MET: variants seen among roughly 807,000 people sequenced by gnomAD.
The protein encoded by MET is hepatocyte growth factor receptor.
In MET, 48 loss-of-function variants were observed where a neutral mutation model predicts 133.1. That is an observed-to-expected ratio of 0.36 (90% CI 0.29 to 0.46). MET has a LOEUF of 0.46. Ranked by LOEUF, MET falls within the 20% of genes least tolerant of loss-of-function variation. The pLI is 1.00. For synonymous variants in MET, 628 were observed against 616.5 expected, an observed-to-expected ratio of 1.02 and a Z score of -0.28; for missense variants, 1,442 against 1,695.9, an observed-to-expected ratio of 0.85 and a Z score of 2.63.
intron 2 of MET, among the ~76,000 whole-genome samples, chr7:116,705,054 A>G (rs1393778508): frequency 6.6e-6 from 1 of 152,120 alleles, no homozygotes; most frequent in Admixed American, 6.6e-5. Flanking sequence ...AAGAAAGCAA[A>G]GTGATTAGAA....
intron 19 of MET, among the ~76,000 whole-genome samples, chr7:116,783,948 G>A (rs964994696): frequency 6.6e-6 from 1 of 152,238 alleles, no homozygotes; most frequent in Non-Finnish European, 1.5e-5. Flanking sequence ...CATCCTTCTT[G>A]CGCAGAACAA....
In MET at chr7:116,699,550, T is replaced by C. The variant is rs2116589535; in HGVS notation, c.466T>C (p.Ser156Pro). 1.2e-6 allele frequency: 2 copies of C among 1,614,018 alleles called. No homozygotes were observed. The highest frequency in any genetic ancestry group is 1.7e-6 in the Non-Finnish European group (2 of 1,179,934). Reference protein sequence around the residue: ...FPHNHTADIQSEVHCIFSPQI... With the variant: ...FPHNHTADIQPEVHCIFSPQI... ...CCACAATCATACTGCTGACATACAGTCGGAGGTTCACTGCATATTCTCCCC... is the reference window on the plus strand; with the variant it reads ...CCACAATCATACTGCTGACATACAGCCGGAGGTTCACTGCATATTCTCCCC... Residue 156 changes from serine to proline, a missense_variant, in exon 2 of 21, where the codon TCG becomes CCG. This residue lies in a region of MET where 762 missense variants were observed against 792.4 expected (regional missense o/e 0.96). Coordinates refer to ENST00000397752, the MANE Select transcript of MET (RefSeq NM_000245.4).
intron 12 of MET, among the ~76,000 whole-genome samples, chr7:116,770,620 T>C (rs975600924): frequency 4.6e-5 from 7 of 152,154 alleles, no homozygotes; most frequent in African/African-American, 1.7e-4. Context: ...CAATCTACTC[T>C]TTCTCTCTAG....
Position 116,771,956 on chromosome 7 carries a change from G to C in MET, c.2995G>C (p.Glu999Gln), listed in dbSNP as rs1404824650. Residue 999 changes from glutamate (E) to glutamine (Q), a missense_variant, in exon 14 of 21, where the codon GAA becomes CAA. This residue lies in a region of MET where 514 missense variants were observed against 659.6 expected (regional missense o/e 0.78). Transcript: ENST00000397752. ...CCCAACTACAGAAATGGTTTCAAAT[G>C]AATCTGTAGACTACCGAGCTACTTT... ...VSPTTEMVSNESVDYRATFPE... is the reference protein window; with the variant it reads ...VSPTTEMVSNQSVDYRATFPE... 1 of 1,613,880 alleles carries C rather than the reference G, an allele frequency of 6.2e-7. No individual in the cohort carries two copies. The highest frequency in any genetic ancestry group is 8.5e-7 in the Non-Finnish European group (1 of 1,179,840).
In MET at chr7:116,774,877, A is replaced by C. The variant is rs2117029339; in HGVS notation, c.3029-4A>C. 1 of 1,612,380 alleles carries C rather than the reference A, an allele frequency of 6.2e-7. No homozygotes were observed. Among genetic ancestry groups the C allele is most frequent in the African/African-American group, 1.3e-5 (1 of 74,988 alleles). ...TTCTTTAATAATTTTCCTTCATCTT[A>C]CAGATCAGTTTCCTAATTCATCTCA... On this transcript the variant is annotated splice_region_variant and splice_polypyrimidine_tract_variant and intron_variant, in intron 14 of 20. Coordinates refer to ENST00000397752, the MANE Select transcript of MET (RefSeq NM_000245.4).
intron 12 of MET, among the ~76,000 whole-genome samples, chr7:116,770,672 A>G (rs1794804193): frequency 2.6e-5 from 4 of 152,126 alleles, no homozygotes; most frequent in Admixed American, 2.6e-4. Flanking sequence ...GGAATCATAC[A>G]ATATTTGTCT....
intron 1 of MET, among the ~76,000 whole-genome samples, chr7:116,681,222 C>G (rs1287611749): frequency 6.6e-6 from 1 of 152,102 alleles, no homozygotes; most frequent in Admixed American, 6.5e-5. Context: ...TTCTGAGTGT[C>G]AGAGGCATGT....
intron 10 of MET, among the ~76,000 whole-genome samples, chr7:116,760,604 T>C (rs1484776874): frequency 6.6e-6 from 1 of 152,218 alleles, no homozygotes; most frequent in African/African-American, 2.4e-5. Flanking sequence ...ATTACAGCAC[T>C]TCCTTTTAGA....
At chr7:116,690,109 C>G (rs969509895) in intron 1 of MET, among the ~76,000 whole-genome samples, 2 of 151,940 alleles carry the variant, frequency 1.3e-5, no homozygotes, top group African/African-American at 4.8e-5. Flanking sequence ...GTGGTCTCAC[C>G]CAAGGGACTG....
intron 2 of MET, among the ~76,000 whole-genome samples, chr7:116,723,666 G>A (rs1228361885): frequency 2.0e-5 from 3 of 152,124 alleles, no homozygotes; most frequent in Admixed American, 6.5e-5. Context: ...TTTTTGGTGT[G>A]GATGTCCTTT....
chr7:116,757,591 T>C, intron 7 of MET, 47 bp from the exon 8 acceptor site: 1 of 1,613,350 alleles, frequency 6.2e-7, no homozygotes, highest in Non-Finnish European at 8.5e-7. Context: ...TCTATTTAAA[T>C]TATAAGATGA....
At chr7:116,694,654 A>T (rs1204343680) in intron 1 of MET, among the ~76,000 whole-genome samples, 1 of 151,966 alleles carries the variant, frequency 6.6e-6, no homozygotes. Context: ...TATTTTAAAA[A>T]CATAATTTAA....
intron 1 of MET, among the ~76,000 whole-genome samples, chr7:116,691,444 TG>T (rs1796775925): frequency 6.6e-6 from 1 of 152,240 alleles, no homozygotes; most frequent in South Asian, 2.1e-4. Context: ...AACTCAAGTT[TG>T]TAGTATTGTC....
At chr7:116,788,196 A>G (rs1363907450) in intron 19 of MET, among the ~76,000 whole-genome samples, 1 of 152,208 alleles carries the variant, frequency 6.6e-6, no homozygotes, top group Non-Finnish European at 1.5e-5. Context: ...TAAACCACAA[A>G]TGGACATGAG....
At chr7:116,728,333 C>G (rs1419577403) in intron 2 of MET, among the ~76,000 whole-genome samples, 2 of 152,044 alleles carry the variant, frequency 1.3e-5, no homozygotes, top group African/African-American at 2.4e-5. Flanking sequence ...TAATTTAATC[C>G]TATTAGTTCT....
intron 12 of MET, among the ~76,000 whole-genome samples, chr7:116,770,180 A>G (rs1794787800): frequency 6.6e-6 from 1 of 152,236 alleles, no homozygotes; most frequent in South Asian, 2.1e-4. Context: ...CCCATAAATA[A>G]AGGAAGATGC....
chr7:116,753,862 G>A (rs1446420652), intron 5 of MET, among the ~76,000 whole-genome samples: 1 of 152,100 alleles, frequency 6.6e-6, no homozygotes, highest in Admixed American at 6.5e-5. Context: ...TGAACTAATA[G>A]GTAAAAAGAA....
intron 1 of MET, among the ~76,000 whole-genome samples, chr7:116,698,164 A>G (rs1435921405): frequency 6.6e-6 from 1 of 152,242 alleles, no homozygotes. Flanking sequence ...TAACTATTAT[A>G]AGGAGAACTC....
intron 5 of MET, among the ~76,000 whole-genome samples, chr7:116,754,359 G>A (rs947409267): frequency 7.2e-5 from 11 of 152,148 alleles, no homozygotes; most frequent in Admixed American, 2.0e-4. Context: ...AGAGCAAGGC[G>A]TATAATGGCT....
Sources: allele counts gnomAD v4.1 joint callset (sites outside exome capture counted in the v4.1 genomes callset), GRCh38; gene constraint gnomAD v4.1.1; regional missense constraint gnomAD v4.1.1; transcripts MANE v1.5; gene names NCBI Gene and HGNC (gene_info 2026-07-23, HGNC 2026-07-21).